DAPK2: variants seen among roughly 807,000 people sequenced by gnomAD.
The protein encoded by DAPK2 is death associated protein kinase 2.
DAPK2 carries 35 observed loss-of-function variants against 44.1 expected under a neutral mutation model. The observed-to-expected ratio is 0.79, with a 90% CI of 0.61 to 1.05. The LOEUF (loss-of-function observed/expected upper bound fraction) is 1.05, where lower values mean the gene tolerates loss of function less well. Ranked by LOEUF, DAPK2 falls within the 50% of genes least tolerant of loss-of-function variation. The pLI is 0.00. For synonymous variants in DAPK2, 174 were observed against 182.6 expected (o/e 0.95, Z 0.38); for missense variants, 453 against 483.2 (o/e 0.94, Z 0.59).
rs1245556063 is a variant in DAPK2, at chr15:63,923,937, C to T, written c.858+879G>A. ...GGCTCAAGTCATCCTTCTGCTGCCT[C>T]GGCCTCCCAAAGTGCTGGGATTACA... is the stretch of plus-strand genomic sequence containing the variant. On this transcript the variant is annotated intron_variant, in intron 8 of 10. Coordinates refer to ENST00000261891, the Ensembl canonical transcript of DAPK2. This position sits in a 1 kb window ranked among gnomAD's most constrained non-coding sequence, Gnocchi z 4.2. Among the ~76,000 whole-genome samples, 1 of 152,170 alleles carries T rather than the reference C, an allele frequency of 6.6e-6. No homozygotes were observed. The highest frequency in any genetic ancestry group is 1.9e-4 in the East Asian group (1 of 5,200).
intron 10 of DAPK2, among the ~76,000 whole-genome samples, chr15:63,910,220 G>A (rs1284810466): frequency 1.3e-5 from 2 of 152,252 alleles, no homozygotes; most frequent in African/African-American, 4.8e-5. Flanking sequence ...CCACACAGTT[G>A]TTTGGGGCCT....
intron 3 of DAPK2, among the ~76,000 whole-genome samples, chr15:63,951,361 C>T (rs2077581440): frequency 6.6e-6 from 1 of 152,130 alleles, no homozygotes; most frequent in Admixed American, 6.5e-5. Context: ...CCTGGTGATC[C>T]ATCCCGTGGA....
chr15:63,986,115 C>T (rs1595856580), intron 1 of DAPK2, among the ~76,000 whole-genome samples: 1 of 152,370 alleles, frequency 6.6e-6, no homozygotes, highest in East Asian at 1.9e-4. Flanking sequence ...AGGCTGCTGG[C>T]TGGTGTCCCC....
At chr15:63,987,351 G>A (rs149025976) in intron 1 of DAPK2, among the ~76,000 whole-genome samples, 3,936 of 152,258 alleles carry the variant, frequency 0.026, 76 homozygotes, top group South Asian at 0.068. Context: ...GGTGGGAGGC[G>A]AGGGTCTGTC....
intron 1 of DAPK2, among the ~76,000 whole-genome samples, chr15:64,028,045 T>TCTATCCAC (rs1555483144): frequency 6.6e-6 from 1 of 151,796 alleles, no homozygotes; most frequent in African/African-American, 2.4e-5. Context: ...TATCTATCTA[T>TCTATCCAC]CTATCTATCT....
intron 3 of DAPK2, among the ~76,000 whole-genome samples, chr15:63,954,470 T>G (rs1406414386): frequency 6.6e-6 from 1 of 152,210 alleles, no homozygotes; most frequent in African/African-American, 2.4e-5. Flanking sequence ...ATGTATGTAT[T>G]TGTTTCTGAG....
rs1345011533 is a variant in DAPK2 at position 64,020,238 on chromosome 15, C to T, written c.92+19932G>A. Among the ~76,000 whole-genome samples the T allele has an allele frequency of 6.6e-6, 1 of 152,200 alleles. No homozygotes were observed. The highest frequency in any genetic ancestry group is 2.4e-5 in the African/African-American group (1 of 41,442). Reference sequence around the variant, plus strand: ...GGACTTGCCTAAGCACAGGCAGCTCCAGAGCCAAAGCCAGGACCCCTTTCT... The same window carrying T: ...GGACTTGCCTAAGCACAGGCAGCTCTAGAGCCAAAGCCAGGACCCCTTTCT... On this transcript the variant is annotated intron_variant, in intron 1 of 10. Transcript: ENST00000261891. The surrounding 1 kb of genome is among the most constrained non-coding windows in gnomAD (Gnocchi z 4.5).
chr15:64,014,432 T>C (rs902657312), intron 1 of DAPK2, among the ~76,000 whole-genome samples: 6 of 151,974 alleles, frequency 3.9e-5, no homozygotes, highest in Non-Finnish European at 2.9e-5. Flanking sequence ...ACCCTGGGAG[T>C]AGGTCACTTG....
intron 3 of DAPK2, among the ~76,000 whole-genome samples, chr15:63,940,251 C>T (rs894804633): frequency 3.9e-5 from 6 of 152,106 alleles, no homozygotes; most frequent in Admixed American, 2.6e-4. Context: ...CACATCCACA[C>T]AAAATATGTA....
At position 63,966,332 on chromosome 15, in the gene DAPK2, C is replaced by T. The variant is rs957406502; in HGVS notation, c.453+5091G>A. The stretch of plus-strand genomic sequence containing the variant: ...AAGATGAAGTCCTCTTCACTTTTCC[C>T]TCTTTTCTCCTCAAGTGGAGGGAAG... On this transcript the variant is annotated intron_variant, in intron 3 of 10. Coordinates refer to ENST00000261891, the Ensembl canonical transcript of DAPK2. This position sits in a 1 kb window ranked among gnomAD's most constrained non-coding sequence, Gnocchi z 5.5. 6.6e-6 allele frequency among the ~76,000 whole-genome samples: 1 copy of T among 152,206 alleles called. No individual in the cohort carries two copies. Among genetic ancestry groups the T allele is most frequent in the Non-Finnish European group, 1.5e-5 (1 of 68,040 alleles).
At chr15:63,950,909 C>G (rs1267406056) in intron 3 of DAPK2, among the ~76,000 whole-genome samples, 1 of 152,208 alleles carries the variant, frequency 6.6e-6, no homozygotes, top group Non-Finnish European at 1.5e-5. Context: ...GTATTAACAT[C>G]CTCATGACAG....
chr15:63,958,468 A>G (rs2140601389), intron 3 of DAPK2, among the ~76,000 whole-genome samples: 2 of 152,316 alleles, frequency 1.3e-5, no homozygotes, highest in South Asian at 4.1e-4. Context: ...GTTTTCTTCT[A>G]GGGTTTTTAT....
intron 4 of DAPK2, among the ~76,000 whole-genome samples, chr15:63,934,190 A>C (rs1379495302): frequency 6.6e-6 from 1 of 151,596 alleles, no homozygotes; most frequent in Non-Finnish European, 1.5e-5. Flanking sequence ...AAAACCTCAG[A>C]ACATTAATTT....
At chr15:63,924,670 G>C (rs1388586589) in intron 8 of DAPK2, 146 bp downstream of exon 9, 1 of 827,250 alleles carries the variant, frequency 1.2e-6, no homozygotes, top group African/African-American at 1.7e-5. Context: ...GGCCCTCTGG[G>C]GCCCCTGGCT....
At chr15:63,981,667 T>C (rs2078518845) in intron 2 of DAPK2, among the ~76,000 whole-genome samples, 1 of 150,924 alleles carries the variant, frequency 6.6e-6, no homozygotes, top group Non-Finnish European at 1.5e-5. Context: ...TTTTTTTTTT[T>C]CCTCCCCATA....
rs1354385257 is a variant in DAPK2, at chr15:63,908,327, C to T, written c.*193G>A. The T allele has an allele frequency of 4.8e-6, 2 of 420,454 alleles. No individual in the cohort carries two copies. Among genetic ancestry groups the T allele is most frequent in the Non-Finnish European group, 8.4e-6 (2 of 237,382 alleles). 26.0% of individuals were successfully genotyped at this position (420,454 alleles called of 1,614,324 possible). On this transcript the variant is annotated 3_prime_UTR_variant, in exon 11 of 11. Transcript: ENST00000261891. This position sits in a 1 kb window ranked among gnomAD's most constrained non-coding sequence, Gnocchi z 5.7. ...AGAGCTTTGGGAATGCTGGAGCCTCCTCCACAGAAGACAGCCACAGCTCCC... is the reference window on the plus strand; with the variant it reads ...AGAGCTTTGGGAATGCTGGAGCCTCTTCCACAGAAGACAGCCACAGCTCCC...
At chr15:63,925,866 T>C in intron 7 of DAPK2, 75 bp downstream of exon 8, 2 of 1,577,812 alleles carry the variant, frequency 1.3e-6, no homozygotes, top group Non-Finnish European at 1.7e-6. Flanking sequence ...AGTGGGGACA[T>C]ACTGACAGGT....
intron 6 of DAPK2, among the ~76,000 whole-genome samples, chr15:63,926,360 T>C (rs553087561): frequency 6.6e-6 from 1 of 152,132 alleles, no homozygotes; most frequent in African/African-American, 2.4e-5. Flanking sequence ...CACAGAGACA[T>C]GTCTCTTTGT....
Position 63,939,094 on chromosome 15 carries a change from A to G in DAPK2, c.583+138T>C. 6.9e-7 allele frequency: 1 copy of G among 1,441,302 alleles called. No individual in the cohort carries two copies. The allele number at this position is 1,441,302 out of a possible 1,614,324, so 89.3% of individuals were successfully genotyped here. On this transcript the variant is annotated intron_variant, in intron 4 of 10. Coordinates refer to ENST00000261891, the Ensembl canonical transcript of DAPK2. This position sits in a 1 kb window ranked among gnomAD's most constrained non-coding sequence, Gnocchi z 4.3. ...GGCCCAATAAGACATTTCCTTCCCC[A>G]CCCATTAGGTTTCTAGAGATGTCCC...
Sources: gnomAD v4.1 joint callset for allele counts (sites outside exome capture counted in the v4.1 genomes callset) on GRCh38, gnomAD v4.1.1 for gene constraint, Gnocchi (gnomAD v3.1) non-coding constraint, MANE v1.5 for transcripts, NCBI Gene and HGNC (gene_info 2026-07-23, HGNC 2026-07-21) for gene names.